ADGRL2: variants seen among roughly 807,000 people sequenced by gnomAD.
ADGRL2 encodes the protein calcium-independent alpha-latrotoxin receptor 2.
A neutral mutation model predicts 157.4 loss-of-function variants in ADGRL2; 44 were observed. The ratio of observed to expected loss-of-function variants is 0.28; its 90% CI spans 0.22 to 0.36. The LOEUF (loss-of-function observed/expected upper bound fraction) is 0.36, where lower values mean the gene tolerates loss of function less well. ADGRL2 is among the 10% of genes least tolerant of loss of function. The pLI is 1.00. For synonymous variants in ADGRL2, 585 were observed against 624.7 expected, an observed-to-expected ratio of 0.94 and a Z score of 0.95; for missense variants, 1,510 against 1,768.9, an observed-to-expected ratio of 0.85 and a Z score of 2.63.
At chr1:81,401,369 C>T (rs888537299) in intron 1 of ADGRL2, among the ~76,000 whole-genome samples, 3 of 151,952 alleles carry the variant, frequency 2.0e-5, no homozygotes, top group Non-Finnish European at 2.9e-5. Context: ...TTGGGGCAAC[C>T]GGGATCCTCT....
intron 18 of ADGRL2, 62 bp downstream of exon 18, chr1:81,980,022 G>A (rs1046476906): frequency 2.3e-6 from 2 of 884,766 alleles, no homozygotes; most frequent in African/African-American, 3.4e-5. Context: ...CTCTCCACAG[G>A]GAACACAGGG....
In ADGRL2 at chr1:81,952,780, A is replaced by G. The variant is rs150733284; in HGVS notation, c.1795-207A>G. On this transcript the variant is annotated intron_variant, in intron 9 of 23. Coordinates refer to ENST00000686636, the MANE Select transcript of ADGRL2 (RefSeq NM_001366006.2). ...ATATATTTTGTCTCTTTTTGTCAACATATTTTAGATTAGTATACTTCATAA... is the reference window on the plus strand; with the variant it reads ...ATATATTTTGTCTCTTTTTGTCAACGTATTTTAGATTAGTATACTTCATAA... Among the ~76,000 whole-genome samples, 1,120 of 152,060 alleles carry G rather than the reference A, an allele frequency of 7.4e-3. 17 individuals are homozygous for G. The highest frequency in any genetic ancestry group is 0.026 in the African/African-American group (1,062 of 41,476).
At chr1:81,550,717 G>A (rs2080125526) in intron 2 of ADGRL2, among the ~76,000 whole-genome samples, 1 of 151,912 alleles carries the variant, frequency 6.6e-6, no homozygotes. Context: ...ATTCCTCTGG[G>A]TAAAGGTATC....
In ADGRL2 at chr1:81,358,103, CA is replaced by C. The variant is rs566158564; in HGVS notation, c.-302+51595del. ...TTTTTTATTACAAGAATCAAGCCCCCAGCGTGAAAATTAGACCTCTAATTCC... is the reference window on the plus strand; with the variant it reads ...TTTTTTATTACAAGAATCAAGCCCCCGCGTGAAAATTAGACCTCTAATTCC... On this transcript the variant is annotated intron_variant, in intron 1 of 24. Coordinates refer to the ADGRL2 transcript ENST00000370721. 2.7e-3 allele frequency among the ~76,000 whole-genome samples: 403 copies of C among 152,026 alleles called. 1 individual carries two copies. The highest frequency in any genetic ancestry group is 9.3e-3 in the African/African-American group (386 of 41,448).
chr1:81,392,568 C>T (rs1054556724), intron 1 of ADGRL2, among the ~76,000 whole-genome samples: 8 of 152,092 alleles, frequency 5.3e-5, no homozygotes, highest in Non-Finnish European at 2.9e-5. Context: ...CTTGGATTAA[C>T]CACTCTCCAT....
chr1:81,317,509 G>A (rs904199916), intron 1 of ADGRL2, among the ~76,000 whole-genome samples: 1 of 152,140 alleles, frequency 6.6e-6, no homozygotes, highest in South Asian at 2.1e-4. Flanking sequence ...GACTATAAAT[G>A]TTTTGAGAGT....
chr1:81,944,540 A>G (rs1649139664), intron 6 of ADGRL2, among the ~76,000 whole-genome samples: 1 of 152,098 alleles, frequency 6.6e-6, no homozygotes, highest in South Asian at 2.1e-4. Context: ...CTTCATTAAA[A>G]CAAGATTATC....
intron 3 of ADGRL2, among the ~76,000 whole-genome samples, chr1:81,912,718 T>G (rs1367525316): frequency 6.6e-6 from 1 of 152,164 alleles, no homozygotes; most frequent in Admixed American, 6.5e-5. Flanking sequence ...TAGAAGCCAG[T>G]AGCAAAGTAC....
At position 81,636,434 on chromosome 1, in the gene ADGRL2, C is replaced by T. The variant is rs17456961; in HGVS notation, c.-143+55454C>T. On this transcript the variant is annotated intron_variant, in intron 3 of 24. Coordinates refer to the ADGRL2 transcript ENST00000370721. ...GCTTTTATGATAAAATAAGTGTTCA[C>T]TGTCCCTTGCTTTAGGGGTACTTTG... Among the ~76,000 whole-genome samples, 525 of 152,202 alleles carry T rather than the reference C, an allele frequency of 3.4e-3. 4 individuals are homozygous for T. The highest frequency in any genetic ancestry group is 0.012 in the African/African-American group (501 of 41,512).
intron 2 of ADGRL2, among the ~76,000 whole-genome samples, chr1:81,776,220 A>C: frequency 6.8e-6 from 1 of 146,172 alleles, no homozygotes; most frequent in Non-Finnish European, 1.5e-5. Flanking sequence ...ATGGAGTCTC[A>C]CTCTGTCGCC....
At chr1:81,732,558 T>C (rs1204092486) in intron 1 of ADGRL2, among the ~76,000 whole-genome samples, 3 of 152,156 alleles carry the variant, frequency 2.0e-5, no homozygotes, top group Admixed American at 1.3e-4. Context: ...CATAAAAATC[T>C]CAGAGCTCTT....
intron 1 of ADGRL2, among the ~76,000 whole-genome samples, chr1:81,723,543 T>G (rs1320854477): frequency 6.6e-6 from 1 of 152,244 alleles, no homozygotes; most frequent in East Asian, 1.9e-4. Flanking sequence ...TGCTCTAATT[T>G]GAGTGAAATA....
chr1:81,512,876 T>C (rs1468047027), intron 2 of ADGRL2, among the ~76,000 whole-genome samples: 5 of 152,104 alleles, frequency 3.3e-5, no homozygotes, highest in African/African-American at 1.2e-4. Context: ...AAGAGTTCAA[T>C]GGAATTTACT....
intron 1 of ADGRL2, among the ~76,000 whole-genome samples, chr1:81,335,841 A>C (rs1661600988): frequency 6.6e-6 from 1 of 151,782 alleles, no homozygotes; most frequent in African/African-American, 2.4e-5. Context: ...GTTTAAAAAA[A>C]AAAAAAACAA....
At chr1:81,390,888 C>G (rs909194720) in intron 1 of ADGRL2, among the ~76,000 whole-genome samples, 11 of 152,288 alleles carry the variant, frequency 7.2e-5, no homozygotes, top group African/African-American at 2.7e-4. Context: ...AAAGATGCTG[C>G]CACACACACC....
chr1:81,346,503 A>G (rs963053956), intron 1 of ADGRL2, among the ~76,000 whole-genome samples: 1 of 152,162 alleles, frequency 6.6e-6, no homozygotes, highest in Non-Finnish European at 1.5e-5. Flanking sequence ...CCTGCATGTG[A>G]CTGTACCTGG....
intron 3 of ADGRL2, among the ~76,000 whole-genome samples, chr1:81,643,149 C>CATTGATGA (rs1438324372): frequency 1.3e-5 from 2 of 152,124 alleles, no homozygotes; most frequent in African/African-American, 4.8e-5. Context: ...CTGTCTTTTT[C>CATTGATGA]ATTGATGACA....
chr1:81,381,740 C>T (rs2076348804), intron 1 of ADGRL2, among the ~76,000 whole-genome samples: 1 of 152,110 alleles, frequency 6.6e-6, no homozygotes, highest in South Asian at 2.1e-4. Context: ...TATAATATTG[C>T]ATCATGTTTT....
At chr1:81,843,959 A>G (rs2092694295) in intron 2 of ADGRL2, among the ~76,000 whole-genome samples, 1 of 151,882 alleles carries the variant, frequency 6.6e-6, no homozygotes, top group Non-Finnish European at 1.5e-5. Context: ...TCGTTGATTC[A>G]CCAGTAGGTC....
Sources: gnomAD v4.1 joint callset for allele counts (sites outside exome capture counted in the v4.1 genomes callset) on GRCh38, gnomAD v4.1.1 for gene constraint, MANE v1.5 for transcripts, NCBI Gene and HGNC (gene_info 2026-07-23, HGNC 2026-07-21) for gene names.